The following AGO1 variants were observed in gnomAD, a reference collection of about 807,000 sequenced individuals.
AGO1 encodes protein argonaute-1.
In AGO1, 11 loss-of-function variants were observed where a neutral mutation model predicts 109.2. That is an observed-to-expected ratio of 0.10 (90% confidence interval 0.06 to 0.17). The LOEUF (loss-of-function observed/expected upper bound fraction) is 0.17, where lower values mean the gene tolerates loss of function less well. Ranked by LOEUF, AGO1 falls within the 10% of genes least tolerant of loss-of-function variation. AGO1 has a pLI of 1.00. For synonymous variants in AGO1, 422 were observed against 418.6 expected, an observed-to-expected ratio of 1.01 and a Z score of -0.10; for missense variants, 574 against 1,140.3, an observed-to-expected ratio of 0.50 and a Z score of 7.15.
intron 15 of AGO1, among the ~76,000 whole-genome samples, chr1:35,916,240 A>G (rs930347863): frequency 2.6e-5 from 4 of 152,098 alleles, no homozygotes; most frequent in African/African-American, 9.7e-5. Flanking sequence ...CATTTAACAG[A>G]TGAGAAAACA....
chr1:35,895,099 C>T, intron 7 of AGO1, 23 bp from the exon 8 acceptor site: 5 of 1,595,058 alleles, frequency 3.1e-6, no homozygotes, highest in Non-Finnish European at 4.3e-6. Flanking sequence ...ATGACACCCC[C>T]TTCCTTCCCT....
chr1:35,901,074 C>T lies in AGO1; in HGVS notation c.1021-400C>T, dbSNP rs534839592. On this transcript the variant is annotated intron_variant, in intron 8 of 18. Transcript: ENST00000373204. The surrounding 1 kb of genome is among the most constrained non-coding windows in gnomAD (Gnocchi z 4.8). ...TGGGCTCACTGCAACCTCCGCCTCC[C>T]GGTTCAAGCGATTCTTGTTCCTCAG... 4.0e-5 allele frequency among the ~76,000 whole-genome samples: 6 copies of T among 151,658 alleles called. No individual in the cohort carries two copies. The highest frequency in any genetic ancestry group is 7.2e-5 in the African/African-American group (3 of 41,396).
Position 35,921,227 on chromosome 1 carries a change from T to G in AGO1, c.*1620T>G, listed in dbSNP as rs1344840620. 1 of 152,332 alleles carries G rather than the reference T, an allele frequency of 6.6e-6. No homozygotes were observed. The highest frequency in any genetic ancestry group is 1.5e-5 in the Non-Finnish European group (1 of 68,050). 9.4% of individuals were successfully genotyped at this position (152,332 alleles called of 1,614,324 possible). A position where few individuals can be genotyped will look rare whatever the true frequency, so the allele number is the denominator to read the frequency against. ...TTTGCTGCTCCCTATTGCTTCTGTT[T>G]ACAAAAATGAATTTTTCCTGGTTTC... is the stretch of plus-strand genomic sequence containing the variant. On this transcript the variant is annotated 3_prime_UTR_variant, in exon 19 of 19. Coordinates refer to ENST00000373204, the MANE Select transcript of AGO1 (RefSeq NM_012199.5).
intron 1 of AGO1, among the ~76,000 whole-genome samples, chr1:35,887,397 C>G (rs774357186): frequency 6.6e-6 from 1 of 152,172 alleles, no homozygotes; most frequent in Non-Finnish European, 1.5e-5. Context: ...TCTCTTCCCC[C>G]CAAGCTAGAA....
chr1:35,888,660 A>C lies in AGO1; in HGVS notation c.209+50A>C, dbSNP rs559804596. On this transcript the variant is annotated intron_variant, in intron 2 of 18. Transcript: ENST00000373204. The surrounding 1 kb of genome is among the most constrained non-coding windows in gnomAD (Gnocchi z 4.1). ...CAAATCTGAAAGACACCAACCTTGA[A>C]AGAGGGGCCAGAAAGGTAAAAGAAA... 2 of 1,599,342 alleles carry C rather than the reference A, an allele frequency of 1.3e-6. No individual in the cohort carries two copies. Among genetic ancestry groups the C allele is most frequent in the Non-Finnish European group, 1.7e-6 (2 of 1,169,828 alleles).
chr1:35,901,336 G>C lies in AGO1; in HGVS notation c.1021-138G>C, dbSNP rs971593515. ...ACCTATCAAATGATACTCAGGAGGA[G>C]AATACATGTATGCACAACGGATTTT... On this transcript the variant is annotated intron_variant, in intron 8 of 18. Coordinates refer to ENST00000373204, the MANE Select transcript of AGO1 (RefSeq NM_012199.5). The surrounding 1 kb of genome is among the most constrained non-coding windows in gnomAD (Gnocchi z 4.8). 1 of 1,019,178 alleles carries C rather than the reference G, an allele frequency of 9.8e-7. No individual in the cohort carries two copies. The highest frequency in any genetic ancestry group is 1.5e-6 in the Non-Finnish European group (1 of 682,532). The allele number at this position is 1,019,178 out of a possible 1,614,324, so 63.1% of individuals were successfully genotyped here.
At chr1:35,908,959 C>T (rs956720550) in intron 12 of AGO1, among the ~76,000 whole-genome samples, 3 of 151,814 alleles carry the variant, frequency 2.0e-5, no homozygotes, top group East Asian at 1.9e-4. Flanking sequence ...GCTGGGATTA[C>T]GGTGCGCACT....
At chr1:35,881,736 C>T (rs77043476), upstream of AGO1, among the ~76,000 whole-genome samples, 1,315 of 152,266 alleles carry the variant, frequency 8.6e-3, 16 homozygotes, top group African/African-American at 0.029. Context: ...GAGTAAGGAC[C>T]GGTTATGGTC....
Position 35,893,265 on chromosome 1 carries a change from C to T in AGO1, c.499C>T (p.Leu167=), listed in dbSNP as rs1481913947. ...VQALDVAMRH[L]ASMRYTPVGR... ...AGCCCTGGATGTGGCCATGAGGCACCTGGCATCCATGAGGTATTGGGTGTA... is the reference window on the plus strand; with the variant it reads ...AGCCCTGGATGTGGCCATGAGGCACTTGGCATCCATGAGGTATTGGGTGTA... The change falls in exon 4 of 19, where the codon CTG becomes TTG. Residue 167 remains leucine, a synonymous_variant. Transcript: ENST00000373204. The surrounding 1 kb of genome is among the most constrained non-coding windows in gnomAD (Gnocchi z 5.6). 2 of 1,613,806 alleles carry T rather than the reference C, an allele frequency of 1.2e-6. No homozygotes were observed. The highest frequency in any genetic ancestry group is 1.7e-6 in the Non-Finnish European group (2 of 1,179,850).
chr1:35,889,842 A>G (rs929563945), intron 2 of AGO1, among the ~76,000 whole-genome samples: 2 of 151,046 alleles, frequency 1.3e-5, no homozygotes, highest in Non-Finnish European at 2.9e-5. Context: ...CCTCCTGAGT[A>G]GCTGGGACTA....
Position 35,888,635 on chromosome 1 carries a change from C to G in AGO1, c.209+25C>G. The G allele has an allele frequency of 6.2e-7, 1 of 1,610,968 alleles. No individual in the cohort carries two copies. Among genetic ancestry groups the G allele is most frequent in the Non-Finnish European group, 8.5e-7 (1 of 1,177,762 alleles). Reference sequence around the variant, plus strand: ...GGTAAGTGATGCACACCTAAGCCACCAAATCTGAAAGACACCAACCTTGAA... The same window carrying G: ...GGTAAGTGATGCACACCTAAGCCACGAAATCTGAAAGACACCAACCTTGAA... On this transcript the variant is annotated intron_variant, in intron 2 of 18. Transcript: ENST00000373204. This position sits in a 1 kb window ranked among gnomAD's most constrained non-coding sequence, Gnocchi z 4.1.
chr1:35,918,369 C>T lies in AGO1; in HGVS notation c.2211C>T (p.Asn737=). Residue 737 remains asparagine, a synonymous_variant, in exon 17 of 19, where the codon AAC becomes AAT. Transcript: ENST00000373204. The part of the protein sequence containing the change: ...NIPAGTTVDT[N]ITHPFEFDFY... The stretch of plus-strand genomic sequence containing the variant: ...CAGCTGGGACCACAGTGGACACCAA[C>T]ATCACCCACCCATTTGAGTTTGACT... 1 of 1,614,180 alleles carries T rather than the reference C, an allele frequency of 6.2e-7. No individual in the cohort carries two copies. The highest frequency in any genetic ancestry group is 1.1e-5 in the South Asian group (1 of 91,088).
At chr1:35,890,091 C>T (rs571873646) in intron 2 of AGO1, among the ~76,000 whole-genome samples, 47 of 151,970 alleles carry the variant, frequency 3.1e-4, no homozygotes, top group Non-Finnish European at 6.2e-4. Flanking sequence ...GGCGTGATCT[C>T]GGCTCACTGC....
At chr1:35,897,742 A>C (rs1291041598) in intron 8 of AGO1, among the ~76,000 whole-genome samples, 1 of 152,216 alleles carries the variant, frequency 6.6e-6, no homozygotes, top group Non-Finnish European at 1.5e-5. Flanking sequence ...AAAAAATAAA[A>C]AAACAGCTTT....
In AGO1 at chr1:35,930,035, G is replaced by A. The variant is rs1646005638; in HGVS notation, c.*10428G>A. ...AAAAAAACCGTATTACTGAAGCATA[G>A]GGACATGGGGAGAAATTATGAATGA... On this transcript the variant is annotated 3_prime_UTR_variant, in exon 19 of 19. Transcript: ENST00000373204. 1 of 152,118 alleles carries A rather than the reference G, an allele frequency of 6.6e-6. No individual in the cohort carries two copies. The highest frequency in any genetic ancestry group is 2.4e-5 in the African/African-American group (1 of 41,414). The allele number at this position is 152,118 out of a possible 1,614,324, so 9.4% of individuals were successfully genotyped here. A position where few individuals can be genotyped will look rare whatever the true frequency, so the allele number is the denominator to read the frequency against.
Position 35,919,515 on chromosome 1 carries a change from A to G in AGO1, c.2482A>G (p.Ile828Val), listed in dbSNP as rs200112017. 2.6e-5 allele frequency: 42 copies of G among 1,613,792 alleles called. No individual in the cohort carries two copies. The East Asian group carries it at 7.8e-4, about 30-fold the overall frequency. Residue 828 changes from isoleucine (I) to valine (V), a missense_variant, in exon 19 of 19, where the codon ATA (isoleucine) becomes GTA (valine). By Grantham distance (29) the Ile-to-Val change is conservative (BLOSUM62 3). Coordinates refer to ENST00000373204, the MANE Select transcript of AGO1 (RefSeq NM_012199.5). This position sits in a 1 kb window ranked among gnomAD's most constrained non-coding sequence, Gnocchi z 6.6. ...CCTTTTCAGTGGAGAGGGGAGCCACATATCGGGGCAGAGCAATGGGCGGGA... is the reference window on the plus strand; with the variant it reads ...CCTTTTCAGTGGAGAGGGGAGCCACGTATCGGGGCAGAGCAATGGGCGGGA... ...KEHDSGEGSH[I>V]SGQSNGRDPQ...
At chr1:35,911,080 A>G (rs992702038) in intron 12 of AGO1, among the ~76,000 whole-genome samples, 1 of 151,772 alleles carries the variant, frequency 6.6e-6, no homozygotes, top group African/African-American at 2.4e-5. Flanking sequence ...GAAAAAAAAA[A>G]TAATAATAAT....
At chr1:35,886,735 G>A (rs1645126864) in intron 1 of AGO1, among the ~76,000 whole-genome samples, 1 of 152,152 alleles carries the variant, frequency 6.6e-6, no homozygotes. Flanking sequence ...GCAGGTGTTC[G>A]TGTGTCTGTG....
In AGO1 at chr1:35,893,591, G is replaced by T; in HGVS notation, c.513-83G>T. 7.0e-7 allele frequency: 1 copy of T among 1,424,268 alleles called. No homozygotes were observed. The highest frequency in any genetic ancestry group is 1.4e-5 in the South Asian group (1 of 73,860). 88.2% of individuals were successfully genotyped at this position (1,424,268 alleles called of 1,614,324 possible). On this transcript the variant is annotated intron_variant, in intron 4 of 18. Coordinates refer to ENST00000373204, the MANE Select transcript of AGO1 (RefSeq NM_012199.5). The surrounding 1 kb of genome is among the most constrained non-coding windows in gnomAD (Gnocchi z 5.6). ...TAAAGCCCCGGTGTCCTGCCTTTCAGGCCAGGGCTCCTCCGTGCCCAGGAT... is the reference window on the plus strand; with the variant it reads ...TAAAGCCCCGGTGTCCTGCCTTTCATGCCAGGGCTCCTCCGTGCCCAGGAT...
Sources: gnomAD v4.1 joint callset for allele counts (sites outside exome capture counted in the v4.1 genomes callset) on GRCh38, gnomAD v4.1.1 for gene constraint, Gnocchi (gnomAD v3.1) non-coding constraint, MANE v1.5 for transcripts, NCBI Gene and HGNC (gene_info 2026-07-23, HGNC 2026-07-21) for gene names.